SLC6A7: variants seen among roughly 807,000 people sequenced by gnomAD.
The protein encoded by SLC6A7 is sodium-dependent proline transporter.
A neutral mutation model predicts 73.1 loss-of-function variants in SLC6A7; 58 were observed. The ratio of observed to expected loss-of-function variants is 0.79; its 90% CI spans 0.64 to 0.99. The LOEUF is 0.99. Ranked by LOEUF, SLC6A7 falls within the 50% of genes least tolerant of loss-of-function variation. The pLI, the probability that SLC6A7 is intolerant of heterozygous loss-of-function variation, is 0.00. For synonymous variants in SLC6A7, 338 were observed against 338.7 expected, an observed-to-expected ratio of 1.00 and a Z score of 0.02; for missense variants, 783 against 831.4, an observed-to-expected ratio of 0.94 and a Z score of 0.72.
chr5:150,205,024 G>A lies in SLC6A7; in HGVS notation c.1533+97G>A, dbSNP rs1051102007. On this transcript the variant is annotated intron_variant, in intron 12 of 13. Coordinates refer to ENST00000230671, the MANE Select transcript of SLC6A7 (RefSeq NM_014228.5). The stretch of plus-strand genomic sequence containing the variant: ...CAGTCTGGTAGGGCCACCCTGGCCC[G>A]CAGTGGAGGGCTGTGGGGTGGCCAC... 96 of 715,610 alleles carry A rather than the reference G, an allele frequency of 1.3e-4. No individual in the cohort carries two copies. The East Asian group carries it at 2.0e-3, about 15-fold the overall frequency. 44.3% of individuals were successfully genotyped at this position (715,610 alleles called of 1,614,324 possible). A position where few individuals can be genotyped will look rare whatever the true frequency, so the allele number is the denominator to read the frequency against.
chr5:150,197,009 C>T (rs1398423062), intron 3 of SLC6A7, 33 bp from the exon 4 acceptor site: 2 of 1,594,544 alleles, frequency 1.3e-6, no homozygotes, highest in African/African-American at 2.7e-5. Context: ...GAGAGCTTGG[C>T]CTGGGCAGCC....
At position 150,209,557 on chromosome 5, in the gene SLC6A7, A is replaced by C; in HGVS notation, c.1853A>C (p.Glu618Ala). 1 of 1,614,050 alleles carries C rather than the reference A, an allele frequency of 6.2e-7. No individual in the cohort carries two copies. Among genetic ancestry groups the C allele is most frequent in the Non-Finnish European group, 8.5e-7 (1 of 1,179,950 alleles). Residue 618 changes from glutamate (E) to alanine (A), a missense_variant, in exon 14 of 14, where the codon GAG (glutamate) becomes GCG (alanine). Coordinates refer to ENST00000230671, the MANE Select transcript of SLC6A7 (RefSeq NM_014228.5). ...MRKYGGITSF[E>A]NTAIEVDREI... The stretch of plus-strand genomic sequence containing the variant: ...AAGTACGGGGGCATCACCAGCTTCG[A>C]GAACACGGCCATCGAGGTGGACCGT...
In SLC6A7 at chr5:150,196,726, C is replaced by G; in HGVS notation, c.228C>G (p.Leu76=). The G allele has an allele frequency of 6.2e-7, 1 of 1,613,600 alleles. No individual in the cohort carries two copies. Among genetic ancestry groups the G allele is most frequent in the Non-Finnish European group, 8.5e-7 (1 of 1,179,682 alleles). Residue 76 remains leucine, a synonymous_variant, in exon 3 of 14, where the codon CTC becomes CTG. Coordinates refer to ENST00000230671, the MANE Select transcript of SLC6A7 (RefSeq NM_014228.5). The stretch of plus-strand genomic sequence containing the variant: ...CCCCGCTCCCGGCAGGCGCCTTCCT[C>G]GTGCCCTACTTCCTCATGCTGGCCA... ...RAYTNGGGAF[L]VPYFLMLAIC... is the part of the protein sequence containing the mutation.
chr5:150,206,806 G>A (rs12652602), intron 13 of SLC6A7, among the ~76,000 whole-genome samples: 2 of 152,114 alleles, frequency 1.3e-5, no homozygotes, highest in African/African-American at 2.4e-5. Flanking sequence ...AGTTGCTTAG[G>A]GGGGAGGCTC....
Position 150,209,424 on chromosome 5 carries a change from CG to C in SLC6A7, c.1722del (p.Pro575ArgfsTer30). On this transcript the variant is annotated frameshift_variant, in exon 14 of 14. Transcript: ENST00000230671. LOFTEE classifies it high-confidence loss of function. ...SLWERLQQAS[R>X]PAMDWGPSLE... ...GCTGCAGCGGCTCCAACAGGCCAGC[CG>C]GCCGGCCATGGACTGGGGACCATCG... 3.1e-6 allele frequency: 5 copies of C among 1,613,606 alleles called. No individual in the cohort carries two copies. The highest frequency in any genetic ancestry group is 4.2e-6 in the Non-Finnish European group (5 of 1,179,964).
intron 4 of SLC6A7, among the ~76,000 whole-genome samples, chr5:150,198,621 A>G (rs909897243): frequency 1.1e-4 from 17 of 152,150 alleles, no homozygotes; most frequent in Non-Finnish European, 2.4e-4. Flanking sequence ...GGTTTCACTG[A>G]AGGGAGTTTA....
intron 1 of SLC6A7, among the ~76,000 whole-genome samples, chr5:150,193,138 T>C (rs1331466739): frequency 6.6e-6 from 1 of 152,244 alleles, no homozygotes; most frequent in Non-Finnish European, 1.5e-5. Flanking sequence ...CTCTTCATGC[T>C]CTGTCATTGT....
At chr5:150,204,671 G>A (rs1753586649) in intron 11 of SLC6A7, 40 bp downstream of exon 11, 4 of 1,495,350 alleles carry the variant, frequency 2.7e-6, no homozygotes, top group Non-Finnish European at 3.7e-6. Flanking sequence ...GCTCTCCGCA[G>A]TGGGAGAATG....
At chr5:150,194,321 C>G (rs933292462) in intron 1 of SLC6A7, among the ~76,000 whole-genome samples, 1 of 151,422 alleles carries the variant, frequency 6.6e-6, no homozygotes, top group Non-Finnish European at 1.5e-5. Flanking sequence ...CCCAGCTACT[C>G]GGGAGGCTGA....
At chr5:150,205,858 A>C (rs4705427) in intron 13 of SLC6A7, among the ~76,000 whole-genome samples, 1 of 152,026 alleles carries the variant, frequency 6.6e-6, no homozygotes, top group African/African-American at 2.4e-5. Context: ...GTTAACCAGG[A>C]ACTGGCCCCA....
At position 150,201,211 on chromosome 5, in the gene SLC6A7, G is replaced by T; in HGVS notation, c.846G>T (p.Leu282Phe). The T allele has an allele frequency of 6.2e-7, 1 of 1,611,396 alleles. No homozygotes were observed. The highest frequency in any genetic ancestry group is 8.5e-7 in the Non-Finnish European group (1 of 1,178,706). ...ATCTCACCCCCCAGTTCCACCACTT[G>T]TTGTCTTCCAAGGTGAGCCCCTCAG... ...QFYLTPQFHH[L>F]LSSKVWIEAA... Residue 282 changes from leucine (L) to phenylalanine (F), a missense_variant, in exon 6 of 14, where the codon TTG becomes TTT. Transcript: ENST00000230671.
At chr5:150,206,596 G>T (rs886396286) in intron 13 of SLC6A7, among the ~76,000 whole-genome samples, 1 of 152,202 alleles carries the variant, frequency 6.6e-6, no homozygotes, top group African/African-American at 2.4e-5. Flanking sequence ...ACCTGCAGGG[G>T]TTGCTCAGGA....
At chr5:150,191,295 C>G (rs1752771280) in intron 1 of SLC6A7, among the ~76,000 whole-genome samples, 1 of 152,174 alleles carries the variant, frequency 6.6e-6, no homozygotes. Context: ...AGACTGTTCT[C>G]AGGGGCTGGT....
rs766273743 is a variant in SLC6A7 at position 150,196,850 on chromosome 5, G to T, written c.349+3G>T. 2 of 1,613,782 alleles carry T rather than the reference G, an allele frequency of 1.2e-6. No individual in the cohort carries two copies. The highest frequency in any genetic ancestry group is 1.7e-6 in the Non-Finnish European group (2 of 1,179,818). Reference sequence around the variant, plus strand: ...GAAAATCAGCCCTCTCTTCAAAGGTGAGGCCTCAGTGGTCCCCAGGGAGGG... The same window carrying T: ...GAAAATCAGCCCTCTCTTCAAAGGTTAGGCCTCAGTGGTCCCCAGGGAGGG... On this transcript the variant is annotated splice_donor_region_variant and intron_variant, in intron 3 of 13. Coordinates refer to ENST00000230671, the MANE Select transcript of SLC6A7 (RefSeq NM_014228.5).
chr5:150,197,223 G>A lies in SLC6A7; in HGVS notation c.531G>A (p.Gly177=), dbSNP rs908339990. 2.5e-6 allele frequency: 4 copies of A among 1,613,710 alleles called. No homozygotes were observed. In the East Asian group the frequency reaches 8.9e-5, roughly 36 times the overall value. Reference sequence around the variant, plus strand: ...ACAGAGTCTCCAAGGACGGCAACGGGGCCCTGCCCCTCAACCTCACCTGCA... The same window carrying A: ...ACAGAGTCTCCAAGGACGGCAACGGAGCCCTGCCCCTCAACCTCACCTGCA... ...LEHRVSKDGN[G]ALPLNLTCTV... Residue 177 remains glycine, a synonymous_variant, in exon 4 of 14, where the codon GGG becomes GGA. Transcript: ENST00000230671.
chr5:150,194,685 C>A lies in SLC6A7; in HGVS notation c.34-43C>A, dbSNP rs553460451. The A allele has an allele frequency of 1.6e-5, 24 of 1,518,468 alleles. No homozygotes were observed. The African/African-American group carries it at 2.1e-4, about 13-fold the overall frequency. 94.1% of individuals were successfully genotyped at this position (1,518,468 alleles called of 1,614,324 possible). On this transcript the variant is annotated intron_variant, in intron 1 of 13. Coordinates refer to ENST00000230671, the MANE Select transcript of SLC6A7 (RefSeq NM_014228.5). ...TCTTGAGGTCACATTTCTGGCCTGG[C>A]CTCAGTCTTCTCCCCAACCTCTTTG...
chr5:150,199,083 G>C, intron 4 of SLC6A7, 145 bp from the exon 5 acceptor site: 1 of 1,116,494 alleles, frequency 9.0e-7, no homozygotes. Flanking sequence ...CTGGGTCAGA[G>C]TTGGTCGGAG....
At chr5:150,204,392 G>C in intron 10 of SLC6A7, 140 bp from the exon 11 acceptor site, 1 of 725,746 alleles carries the variant, frequency 1.4e-6, no homozygotes, top group Non-Finnish European at 2.5e-6. Context: ...GCCTAGAAGG[G>C]CTGGGCTGGC....
In SLC6A7 at chr5:150,199,256, C is replaced by T; in HGVS notation, c.613C>T (p.Gln205Ter). 6.2e-7 allele frequency: 1 copy of T among 1,610,306 alleles called. No individual in the cohort carries two copies. Among genetic ancestry groups the T allele is most frequent in the Admixed American group, 1.7e-5 (1 of 59,598 alleles). Residue 205 changes from glutamine (Q) to a stop codon, truncating the protein, a stop_gained, in exon 5 of 14, where the codon CAG (glutamine) becomes TAG (stop). Transcript: ENST00000230671. LOFTEE classifies it high-confidence loss of function. ...SRYVLHIQGS[Q>*]GIGSPGEIRW... is the part of the protein sequence containing the mutation. ...CTACGTCCTCCACATCCAAGGCAGC[C>T]AGGGCATCGGCAGCCCTGGGGAGAT...
Sources: gnomAD v4.1 joint callset for allele counts (sites outside exome capture counted in the v4.1 genomes callset) on GRCh38, gnomAD v4.1.1 for gene constraint, MANE v1.5 for transcripts, NCBI Gene and HGNC (gene_info 2026-07-23, HGNC 2026-07-21) for gene names.